DIAPH2: variants seen among roughly 807,000 people sequenced by gnomAD.
DIAPH2 encodes diaphanous related formin 2.
DIAPH2 carries 35 observed loss-of-function variants against 92.7 expected under a neutral mutation model. The ratio of observed to expected loss-of-function variants is 0.38; its 90% CI spans 0.29 to 0.50. The LOEUF (loss-of-function observed/expected upper bound fraction) is 0.50, where lower values mean the gene tolerates loss of function less well. Among genes scored for constraint, DIAPH2 ranks in the 20% least tolerant of loss-of-function variants. The pLI, the probability that DIAPH2 is intolerant of heterozygous loss-of-function variation, is 0.94. For missense variants in DIAPH2, 701 were observed against 819.5 expected, an observed-to-expected ratio of 0.86 and a Z score of 1.77; for synonymous variants, 301 against 280.4, an observed-to-expected ratio of 1.07 and a Z score of -0.73.
At chrX:96,870,113 C>T (rs1472071952) in intron 4 of DIAPH2, among the ~76,000 whole-genome samples, 1 of 111,173 alleles carries the variant, frequency 9.0e-6, no homozygotes, top group African/African-American at 3.3e-5. Flanking sequence ...TAGTCTCAGA[C>T]AAGACATGAC....
intron 23 of DIAPH2, among the ~76,000 whole-genome samples, chrX:97,278,134 A>G (rs1436810880): frequency 8.9e-6 from 1 of 112,311 alleles, no homozygotes; most frequent in African/African-American, 3.2e-5. Context: ...GTGAGCCACC[A>G]CGCCCAATCA....
At chrX:96,908,662 G>C (rs1039056797) in intron 5 of DIAPH2, among the ~76,000 whole-genome samples, 1 of 110,159 alleles carries the variant, frequency 9.1e-6, no homozygotes, top group East Asian at 2.9e-4. Context: ...GCAGTGGCGC[G>C]ATTTCAGCTC....
chrX:96,852,045 C>G (rs2065009466), intron 4 of DIAPH2, among the ~76,000 whole-genome samples: 1 of 111,780 alleles, frequency 8.9e-6, no homozygotes, highest in Non-Finnish European at 1.9e-5. Context: ...TGTATATTAC[C>G]TCTCTGGAAA....
chrX:96,978,377 G>A (rs750509095), intron 17 of DIAPH2, among the ~76,000 whole-genome samples: 1 of 110,207 alleles, frequency 9.1e-6, no homozygotes, highest in Admixed American at 9.8e-5. Context: ...CATTATTACA[G>A]TAATCACTAA....
Position 97,141,655 on chromosome X carries a change from T to C in DIAPH2, c.2590-10T>C. On this transcript the variant is annotated splice_polypyrimidine_tract_variant and intron_variant, in intron 21 of 26. Transcript: ENST00000324765. Reference sequence around the variant, plus strand: ...AAATTACTAAAAAATGTGTTGTTGTTTTCTCCCAGATCAGAGATACTAAAT... The same window carrying C: ...AAATTACTAAAAAATGTGTTGTTGTCTTCTCCCAGATCAGAGATACTAAAT... 1 of 1,180,118 alleles carries C rather than the reference T, an allele frequency of 8.5e-7. No homozygotes were observed. The highest frequency in any genetic ancestry group is 1.1e-6 in the Non-Finnish European group (1 of 884,488).
chrX:97,114,714 C>G lies in DIAPH2; in HGVS notation c.2350-12C>G. Reference sequence around the variant, plus strand: ...AAATGTATATTCTCATAGGGTATTTCTTATCTTACAGATGAGCTCTGTGAA... The same window carrying G: ...AAATGTATATTCTCATAGGGTATTTGTTATCTTACAGATGAGCTCTGTGAA... On this transcript the variant is annotated splice_polypyrimidine_tract_variant and intron_variant, in intron 20 of 26. Transcript: ENST00000324765. 8.4e-7 allele frequency: 1 copy of G among 1,194,175 alleles called. No individual in the cohort carries two copies. Among genetic ancestry groups the G allele is most frequent in the Admixed American group, 2.3e-5 (1 of 44,435 alleles).
intron 17 of DIAPH2, among the ~76,000 whole-genome samples, chrX:97,000,708 A>C (rs1037070921): frequency 9.0e-6 from 1 of 111,500 alleles, no homozygotes; most frequent in Non-Finnish European, 1.9e-5. Context: ...AAAATGTAGC[A>C]CTAGTGATTA....
chrX:97,453,852 C>T (rs1026246476), intron 26 of DIAPH2: 10 of 111,409 alleles, frequency 9.0e-5, no homozygotes, highest in African/African-American at 3.3e-4. Context: ...ACTTTTATAT[C>T]TGTGTAGGTG....
chrX:96,971,954 G>T (rs193162222), intron 17 of DIAPH2, among the ~76,000 whole-genome samples: 106 of 111,634 alleles, frequency 9.5e-4, no homozygotes, highest in African/African-American at 3.3e-3. Flanking sequence ...CTTGTCATTC[G>T]CAGTGCCTTG....
chrX:96,691,908 C>T (rs1015546424), intron 1 of DIAPH2, among the ~76,000 whole-genome samples: 3 of 111,516 alleles, frequency 2.7e-5, no homozygotes, highest in African/African-American at 9.8e-5. Flanking sequence ...CTGGCACTCA[C>T]CCAAGGGAGA....
At chrX:96,876,595 T>C (rs955397481) in intron 4 of DIAPH2, among the ~76,000 whole-genome samples, 2 of 111,263 alleles carry the variant, frequency 1.8e-5, no homozygotes, top group Non-Finnish European at 3.8e-5. Flanking sequence ...AAATGATGAG[T>C]TCATGTCCTT....
rs955235504 is a variant in DIAPH2 at position 96,755,840 on chromosome X, C to CT, written c.343-2306dup. ...AAAATTCACCCTTTTACAATGTGCT[C>CT]TTTTTTTTGCTTTTTCTTTCTTTCT... is the stretch of plus-strand genomic sequence containing the variant. On this transcript the variant is annotated intron_variant, in intron 3 of 26. Coordinates refer to ENST00000324765, the MANE Select transcript of DIAPH2 (RefSeq NM_006729.5). Among the ~76,000 whole-genome samples the CT allele has an allele frequency of 2.4e-4, 26 of 107,655 alleles. 1 individual carries two copies. The highest frequency in any genetic ancestry group is 2.2e-3 in the Admixed American group (22 of 10,052). 93.5% of individuals were successfully genotyped at this position (107,655 alleles called of 115,157 possible). A position where few individuals can be genotyped will look rare whatever the true frequency, so the allele number is the denominator to read the frequency against.
intron 4 of DIAPH2, among the ~76,000 whole-genome samples, chrX:96,855,763 G>A (rs2065035714): frequency 9.1e-6 from 1 of 110,081 alleles, no homozygotes; most frequent in African/African-American, 3.3e-5. Context: ...AAAGAGAATA[G>A]GAAATTTTTT....
chrX:96,933,399 A>C (rs916439519), intron 10 of DIAPH2, among the ~76,000 whole-genome samples: 2 of 104,882 alleles, frequency 1.9e-5, no homozygotes, highest in Admixed American at 2.1e-4. Context: ...GCACAATCAC[A>C]GCTCGCTGCA....
intron 26 of DIAPH2, among the ~76,000 whole-genome samples, chrX:97,582,239 T>A (rs1441113988): frequency 1.9e-5 from 1 of 51,370 alleles, no homozygotes. Flanking sequence ...ATTTTGCTCG[T>A]TAGTTGATGC....
intron 22 of DIAPH2, among the ~76,000 whole-genome samples, chrX:97,245,891 G>A (rs1051795992): frequency 9.4e-6 from 1 of 106,420 alleles, no homozygotes; most frequent in African/African-American, 3.4e-5. Context: ...ACTGGTCAAT[G>A]TTTTGTCTTC....
intron 23 of DIAPH2, among the ~76,000 whole-genome samples, chrX:97,326,853 T>C (rs1165275342): frequency 8.9e-6 from 1 of 112,238 alleles, no homozygotes; most frequent in Non-Finnish European, 1.9e-5. Flanking sequence ...TTTTGTGCTT[T>C]CACATAAGAA....
At chrX:97,001,435 G>A (rs2066143121) in intron 17 of DIAPH2, among the ~76,000 whole-genome samples, 1 of 111,517 alleles carries the variant, frequency 9.0e-6, no homozygotes, top group South Asian at 3.8e-4. Flanking sequence ...ACGAGGTCAG[G>A]AGTTCAAGAC....
At chrX:97,329,536 A>T (rs1212033789) in intron 23 of DIAPH2, among the ~76,000 whole-genome samples, 1 of 111,564 alleles carries the variant, frequency 9.0e-6, no homozygotes, top group Admixed American at 9.6e-5. Flanking sequence ...ACACTGGTGT[A>T]TATAACCTGT....
Sources: allele counts gnomAD v4.1 joint callset (sites outside exome capture counted in the v4.1 genomes callset), GRCh38; gene constraint gnomAD v4.1.1; transcripts MANE v1.5; gene names NCBI Gene and HGNC (gene_info 2026-07-23, HGNC 2026-07-21).